The following ANK2 variants were observed in gnomAD, a reference collection of about 807,000 sequenced individuals.
The protein encoded by ANK2 is ankyrin-2.
A neutral mutation model predicts 360.5 loss-of-function variants in ANK2; 83 were observed. The ratio of observed to expected loss-of-function variants is 0.23; its 90% CI spans 0.19 to 0.28. The LOEUF (loss-of-function observed/expected upper bound fraction) is 0.28, where lower values mean the gene tolerates loss of function less well. ANK2 is among the 10% of genes least tolerant of loss of function. The pLI is 1.00. For synonymous variants in ANK2, 1,740 were observed against 1,759.5 expected (o/e 0.99, Z 0.28); for missense variants, 4,201 against 4,795.7 (o/e 0.88, Z 3.66).
intron 1 of ANK2, among the ~76,000 whole-genome samples, chr4:112,861,497 A>G (rs1420979242): frequency 6.6e-6 from 1 of 152,228 alleles, no homozygotes; most frequent in Non-Finnish European, 1.5e-5. Context: ...AGTATGCTTT[A>G]GCCTTCTTGA....
intron 2 of ANK2, among the ~76,000 whole-genome samples, chr4:113,020,772 G>C (rs2057847606): frequency 1.4e-5 from 2 of 144,460 alleles, no homozygotes; most frequent in Non-Finnish European, 3.0e-5. Flanking sequence ...GTTGTAGCAA[G>C]CCAAGATCAC....
chr4:113,269,869 A>T (rs1478130195), intron 14 of ANK2, among the ~76,000 whole-genome samples: 1 of 152,212 alleles, frequency 6.6e-6, no homozygotes, highest in African/African-American at 2.4e-5. Context: ...GGTTCCACAG[A>T]TCTTCATGCA....
intron 1 of ANK2, among the ~76,000 whole-genome samples, chr4:113,152,713 C>T (rs2097140842): frequency 6.6e-6 from 1 of 151,920 alleles, no homozygotes; most frequent in African/African-American, 2.4e-5. Context: ...TTGAGATCAA[C>T]CTGGGCAACA....
At chr4:113,304,951 T>C (rs2076525392) in intron 23 of ANK2, among the ~76,000 whole-genome samples, 1 of 152,188 alleles carries the variant, frequency 6.6e-6, no homozygotes, top group African/African-American at 2.4e-5. Flanking sequence ...ATTATTTAAT[T>C]TAAAAATAGC....
chr4:113,298,945 C>G (rs2073444048), intron 22 of ANK2, among the ~76,000 whole-genome samples: 1 of 152,158 alleles, frequency 6.6e-6, no homozygotes, highest in Non-Finnish European at 1.5e-5. Context: ...TCCATCCATT[C>G]AACAAATATT....
chr4:112,754,092 T>A, the ANK2 span, among the ~76,000 whole-genome samples: 1 of 124,862 alleles, frequency 8.0e-6, no homozygotes, highest in South Asian at 2.5e-4. Flanking sequence ...AGTGAGACTC[T>A]GTCTCAAAAA....
chr4:112,953,974 A>G (rs1420560037), intron 2 of ANK2, among the ~76,000 whole-genome samples: 1 of 151,280 alleles, frequency 6.6e-6, no homozygotes, highest in Non-Finnish European at 1.5e-5. Flanking sequence ...TTATAAATGT[A>G]AAGGCAGAAA....
chr4:112,945,244 G>A (rs1349677802), intron 2 of ANK2, among the ~76,000 whole-genome samples: 5 of 152,176 alleles, frequency 3.3e-5, no homozygotes, highest in Non-Finnish European at 7.4e-5. Context: ...AGTGATGCAT[G>A]TTACTTTGGC....
intron 1 of ANK2, among the ~76,000 whole-genome samples, chr4:113,161,551 G>C (rs1249506758): frequency 1.3e-5 from 2 of 152,170 alleles, no homozygotes; most frequent in Non-Finnish European, 2.9e-5. Context: ...AATTTAGAAA[G>C]TTACAGCAGG....
intron 4 of ANK2, among the ~76,000 whole-genome samples, chr4:113,206,694 A>G (rs11943237): frequency 0.15 from 22,100 of 152,124 alleles, 1,699 homozygotes; most frequent in East Asian, 0.25. Context: ...CCAGTTCTCT[A>G]TATGCTTGGG....
chr4:113,260,333 C>T (rs1014738945), intron 13 of ANK2, among the ~76,000 whole-genome samples: 53 of 152,142 alleles, frequency 3.5e-4, no homozygotes, highest in African/African-American at 1.2e-3. Context: ...ACATATTTTT[C>T]AGGTTGTTGA....
chr4:112,894,622 A>G (rs1188158397), intron 1 of ANK2, among the ~76,000 whole-genome samples: 2 of 152,154 alleles, frequency 1.3e-5, no homozygotes, highest in East Asian at 1.9e-4. Context: ...GGTCTAGAAA[A>G]CACGGTAAAA....
intron 2 of ANK2, among the ~76,000 whole-genome samples, chr4:112,941,730 A>G (rs1407740965): frequency 6.8e-6 from 1 of 148,032 alleles, no homozygotes; most frequent in Non-Finnish European, 1.5e-5. Context: ...TAAAAATTAT[A>G]TGATCTATAC....
intron 4 of ANK2, among the ~76,000 whole-genome samples, chr4:113,209,018 A>G (rs929997722): frequency 2.0e-5 from 3 of 152,042 alleles, no homozygotes; most frequent in African/African-American, 7.3e-5. Context: ...GCTAAAAATC[A>G]ACTAACAGAA....
chr4:113,307,623 G>C (rs1051985348), intron 23 of ANK2, among the ~76,000 whole-genome samples: 3 of 151,920 alleles, frequency 2.0e-5, no homozygotes, highest in Non-Finnish European at 4.4e-5. Flanking sequence ...GGCTGCTCTC[G>C]AACTCCTGAC....
intron 1 of ANK2, among the ~76,000 whole-genome samples, chr4:113,074,968 A>G (rs570373628): frequency 8.5e-5 from 13 of 152,366 alleles, no homozygotes; most frequent in Non-Finnish European, 1.8e-4. Context: ...TAGATTTAAA[A>G]ATGCACTTTA....
intron 2 of ANK2, among the ~76,000 whole-genome samples, chr4:113,011,938 G>A (rs770452938): frequency 3.3e-5 from 5 of 151,826 alleles, no homozygotes; most frequent in Non-Finnish European, 7.4e-5. Context: ...AAGTCCTCTC[G>A]GAAGAGTTTC....
the ANK2 span, among the ~76,000 whole-genome samples, chr4:112,735,591 A>T: frequency 3.3e-5 from 5 of 152,306 alleles, no homozygotes; most frequent in African/African-American, 1.2e-4. Context: ...GATGTCAGTC[A>T]CAAGACACCA....
In ANK2 at chr4:113,358,632, G is replaced by A; in HGVS notation, c.10014G>A (p.Lys3338=). Residue 3338 remains lysine (K), a synonymous_variant, in exon 38 of 46, where the codon AAG becomes AAA. Transcript: ENST00000357077. Reference sequence around the variant, plus strand: ...TATCCAGTGTAGATGAGGAAAATAAGGCGGATGAAGCAAAACCAAAGTCCA... The same window carrying A: ...TATCCAGTGTAGATGAGGAAAATAAAGCGGATGAAGCAAAACCAAAGTCCA... ...DFLSSVDEEN[K]ADEAKPKSKL... 1 of 1,612,148 alleles carries A rather than the reference G, an allele frequency of 6.2e-7. No individual in the cohort carries two copies. Among genetic ancestry groups the A allele is most frequent in the East Asian group, 2.2e-5 (1 of 44,802 alleles).
Sources: allele counts gnomAD v4.1 joint callset (sites outside exome capture counted in the v4.1 genomes callset), GRCh38; gene constraint gnomAD v4.1.1; transcripts MANE v1.5; gene names NCBI Gene and HGNC (gene_info 2026-07-23, HGNC 2026-07-21).